NBAS: variants seen among roughly 807,000 people sequenced by gnomAD.
NBAS encodes NAG/BC035112 fusion.
In NBAS, 219 loss-of-function variants were observed where a neutral mutation model predicts 302.5. The observed-to-expected ratio is 0.72, with a 90% CI of 0.65 to 0.81. The LOEUF (loss-of-function observed/expected upper bound fraction) is 0.81, where lower values mean the gene tolerates loss of function less well. NBAS is among the 30% of genes least tolerant of loss of function. The probability of loss-of-function intolerance (pLI) is 0.00; values close to 1 mark genes in which losing one functional copy is unlikely to be tolerated. For synonymous variants in NBAS, 1,118 were observed against 1,021.6 expected (o/e 1.09, Z -1.80); for missense variants, 2,932 against 2,841.6 (o/e 1.03, Z -0.72).
intron 28 of NBAS, among the ~76,000 whole-genome samples, chr2:15,392,043 C>T (rs1473866497): frequency 6.6e-6 from 1 of 150,886 alleles, no homozygotes; most frequent in African/African-American, 2.4e-5. Flanking sequence ...TTAAAAGAAG[C>T]CTTCCAGACA....
At chr2:15,516,535 C>A (rs1054923173) in intron 9 of NBAS, among the ~76,000 whole-genome samples, 2 of 151,996 alleles carry the variant, frequency 1.3e-5, no homozygotes, top group African/African-American at 4.8e-5. Context: ...CCACCCTGGG[C>A]AACATGGTGA....
the NBAS span, among the ~76,000 whole-genome samples, chr2:14,868,736 A>G: frequency 6.6e-6 from 1 of 152,216 alleles, no homozygotes; most frequent in Non-Finnish European, 1.5e-5. Flanking sequence ...ATCAATCTAT[A>G]TGGCTTTGTC....
At chr2:15,532,943 CT>C (rs1474940560) in intron 9 of NBAS, among the ~76,000 whole-genome samples, 1 of 151,954 alleles carries the variant, frequency 6.6e-6, no homozygotes, top group Non-Finnish European at 1.5e-5. Flanking sequence ...AACAAACCCC[CT>C]ATCAAAAGAA....
intron 45 of NBAS, 88 bp downstream of exon 45, chr2:15,238,380 C>A: frequency 7.5e-7 from 1 of 1,341,968 alleles, no homozygotes. Context: ...GCCTGAAAAC[C>A]CTGTCAAAAC....
chr2:15,316,710 A>G (rs1014571444), intron 38 of NBAS, among the ~76,000 whole-genome samples: 2 of 152,150 alleles, frequency 1.3e-5, no homozygotes, highest in African/African-American at 4.8e-5. Flanking sequence ...GTAGGTAAAT[A>G]AAGTGGCCAG....
chr2:15,097,915 TTA>T, the NBAS span, among the ~76,000 whole-genome samples: 2 of 115,410 alleles, frequency 1.7e-5, no homozygotes, highest in South Asian at 2.4e-4. Flanking sequence ...ATATACAATA[TTA>T]TATATTATAT....
At chr2:15,276,471 A>G (rs1274034547) in intron 43 of NBAS, among the ~76,000 whole-genome samples, 1 of 152,224 alleles carries the variant, frequency 6.6e-6, no homozygotes, top group Non-Finnish European at 1.5e-5. Context: ...CATATTTTAA[A>G]CATATAGGCT....
chr2:15,013,679 G>A, the NBAS span, among the ~76,000 whole-genome samples: 35 of 152,142 alleles, frequency 2.3e-4, no homozygotes, highest in African/African-American at 8.0e-4. Flanking sequence ...ATCTACTCAG[G>A]AGGCTGAGGC....
the NBAS span, among the ~76,000 whole-genome samples, chr2:14,922,617 C>T: frequency 5.4e-3 from 815 of 152,300 alleles, 13 homozygotes; most frequent in African/African-American, 0.019. Context: ...GGGCCCCACC[C>T]TTGTGACTTT....
chr2:15,232,404 A>G lies in NBAS; in HGVS notation c.6236+18T>C, dbSNP rs759816121. ...GGAAAGCCAGTTAATGAAGATGCAC[A>G]TACTGTTCTAGTCTTACCCCTTGTC... is the stretch of plus-strand genomic sequence containing the variant. On this transcript the variant is annotated intron_variant, in intron 47 of 51. Coordinates refer to ENST00000281513, the MANE Select transcript of NBAS (RefSeq NM_015909.4). The G allele has an allele frequency of 1.2e-6, 2 of 1,609,730 alleles. No individual in the cohort carries two copies. Among genetic ancestry groups the G allele is most frequent in the Admixed American group, 3.3e-5 (2 of 60,010 alleles).
Position 15,505,062 on chromosome 2 carries a change from G to T in NBAS, c.886-849C>A, listed in dbSNP as rs541688740. On this transcript the variant is annotated intron_variant, in intron 10 of 51. Coordinates refer to ENST00000281513, the MANE Select transcript of NBAS (RefSeq NM_015909.4). ...ACACAAAAACCATACTCTCCACTTA[G>T]CCTGAAGATAGAGAATAACCCAAAC... 7.9e-5 allele frequency among the ~76,000 whole-genome samples: 12 copies of T among 152,272 alleles called. No individual in the cohort carries two copies. The South Asian group carries it at 2.5e-3, about 32-fold the overall frequency.
chr2:15,257,655 A>C (rs1363287850), intron 44 of NBAS, among the ~76,000 whole-genome samples: 2 of 152,152 alleles, frequency 1.3e-5, no homozygotes, highest in East Asian at 3.9e-4. Context: ...AGCCTGCCAA[A>C]GTGCTGGGAT....
chr2:14,994,139 T>C, the NBAS span, among the ~76,000 whole-genome samples: 6 of 152,228 alleles, frequency 3.9e-5, no homozygotes, highest in African/African-American at 1.4e-4. Flanking sequence ...ATTTTTCTTT[T>C]ACATTCCAGC....
the NBAS span, among the ~76,000 whole-genome samples, chr2:14,948,355 G>T: frequency 6.6e-6 from 1 of 151,972 alleles, no homozygotes; most frequent in African/African-American, 2.4e-5. Flanking sequence ...TTTAATAAAA[G>T]ACATTTTGTT....
At chr2:15,150,488 T>C in the NBAS span, among the ~76,000 whole-genome samples, 11 of 152,290 alleles carry the variant, frequency 7.2e-5, no homozygotes, top group Non-Finnish European at 1.3e-4. Flanking sequence ...GCACCTGAGC[T>C]GGAGAAACAA....
At chr2:15,340,129 G>T (rs953812989) in intron 35 of NBAS, among the ~76,000 whole-genome samples, 2 of 152,178 alleles carry the variant, frequency 1.3e-5, no homozygotes, top group Non-Finnish European at 2.9e-5. Flanking sequence ...ATGATCTGAT[G>T]TATTCTGAAA....
At position 15,328,065 on chromosome 2, in the gene NBAS, AT is replaced by A. The variant is rs1672156065; in HGVS notation, c.4461+133del. Reference sequence around the variant, plus strand: ...AATGGTCATAATATATACCAAAAAAATGTAAAAACCAATGAATAACATGAGT... The same window carrying A: ...AATGGTCATAATATATACCAAAAAAAGTAAAAACCAATGAATAACATGAGT... On this transcript the variant is annotated intron_variant, in intron 37 of 51. Transcript: ENST00000281513. The A allele has an allele frequency of 5.7e-5, 67 of 1,175,660 alleles. 1 individual carries two copies. In the South Asian group the frequency reaches 7.3e-4, roughly 13 times the overall value. 72.8% of individuals were successfully genotyped at this position (1,175,660 alleles called of 1,614,324 possible). A position where few individuals can be genotyped will look rare whatever the true frequency, so the allele number is the denominator to read the frequency against.
chr2:15,290,305 A>G (rs1434924499), intron 41 of NBAS, among the ~76,000 whole-genome samples: 1 of 151,960 alleles, frequency 6.6e-6, no homozygotes, highest in Non-Finnish European at 1.5e-5. Context: ...GCTGGTGGAA[A>G]CTCTGAGGCA....
the NBAS span, among the ~76,000 whole-genome samples, chr2:15,158,779 C>T: frequency 2.0e-5 from 3 of 152,252 alleles, no homozygotes; most frequent in African/African-American, 7.2e-5. Context: ...ATGTGCCCTG[C>T]CACATGGAGA....
Sources: allele counts gnomAD v4.1 joint callset (sites outside exome capture counted in the v4.1 genomes callset), GRCh38; gene constraint gnomAD v4.1.1; transcripts MANE v1.5; gene names NCBI Gene and HGNC (gene_info 2026-07-23, HGNC 2026-07-21).